Variants in LOC114841035 observed in about 807,000 individuals in gnomAD.
the LOC114841035 span, chr11:64,242,432 C>T: frequency 1.3e-6 from 2 of 1,552,762 alleles, no homozygotes; most frequent in African/African-American, 1.4e-5. Flanking sequence ...TGTCCATCTG[C>T]CTGAGCGCCG....
At chr11:64,242,391 A>C in the LOC114841035 span, 1 of 1,530,664 alleles carries the variant, frequency 6.5e-7, no homozygotes, top group Non-Finnish European at 8.8e-7. Flanking sequence ...CAGAGACATG[A>C]GGCTGAGCTG....
At chr11:64,242,693 G>A in the LOC114841035 span, 2 of 995,298 alleles carry the variant, frequency 2.0e-6, no homozygotes, top group South Asian at 1.9e-5. Flanking sequence ...CAGTTTCCAT[G>A]GTTCTGCCTT....
chr11:64,242,494 A>G, the LOC114841035 span: 3 of 1,555,516 alleles, frequency 1.9e-6, no homozygotes, highest in East Asian at 7.4e-5. Flanking sequence ...ATCGGGGTCA[A>G]GAAGCGGGTG....
At chr11:64,243,252 C>CT in the LOC114841035 span, 2 of 1,613,272 alleles carry the variant, frequency 1.2e-6, no homozygotes, top group South Asian at 1.1e-5. Context: ...AGAACCAGCC[C>CT]TTTGTCTTCT....
chr11:64,242,402 G>T, the LOC114841035 span: 1 of 1,544,428 alleles, frequency 6.5e-7, no homozygotes, highest in Admixed American at 2.2e-5. Context: ...GGCTGAGCTG[G>T]TTCCGGGTCC....
chr11:64,243,058 A>G, the LOC114841035 span: 1 of 695,852 alleles, frequency 1.4e-6, no homozygotes, highest in East Asian at 2.7e-5. Context: ...GGCAACAGAG[A>G]CTCCATCTCA....
chr11:64,243,469 G>T, the LOC114841035 span: 1 of 1,614,012 alleles, frequency 6.2e-7, no homozygotes, highest in Non-Finnish European at 8.5e-7. Flanking sequence ...AGGGGGAAAA[G>T]CGCAAGCTGG....
At chr11:64,242,289 C>G in the LOC114841035 span, 1 of 1,223,708 alleles carries the variant, frequency 8.2e-7, no homozygotes, top group Non-Finnish European at 1.1e-6. Flanking sequence ...AAGGAAGATA[C>G]AGTGGCGGTG....
chr11:64,242,245 G>T, the LOC114841035 span: 1 of 816,722 alleles, frequency 1.2e-6, no homozygotes. Context: ...GGGGGAGAGG[G>T]CGGTGACCCG....
chr11:64,241,670 C>T, the LOC114841035 span: 10 of 152,178 alleles, frequency 6.6e-5, no homozygotes, highest in African/African-American at 1.9e-4. Flanking sequence ...GAGTAATGGC[C>T]CCGGGCGTCC....
At chr11:64,243,905 C>G in the LOC114841035 span, 1 of 1,614,096 alleles carries the variant, frequency 6.2e-7, no homozygotes, top group South Asian at 1.1e-5. Context: ...CCTCCCATCA[C>G]CTGCAGCCAG....
the LOC114841035 span, chr11:64,241,288 G>C: frequency 1.6e-4 from 24 of 152,490 alleles, no homozygotes; most frequent in African/African-American, 5.3e-4. Context: ...AGATGCCGCA[G>C]GGGGAGGGTT....
chr11:64,242,350 C>A, the LOC114841035 span: 3 of 1,473,456 alleles, frequency 2.0e-6, no homozygotes, highest in Non-Finnish European at 2.7e-6. Context: ...CCCTCCCCCA[C>A]GTTCAGTCGG....
the LOC114841035 span, chr11:64,243,339 G>GT: frequency 1.6e-5 from 25 of 1,598,568 alleles, no homozygotes; most frequent in Non-Finnish European, 2.1e-5. Context: ...GGGCTTGGGA[G>GT]TGGGGGCGTG....
the LOC114841035 span, chr11:64,243,123 G>A: frequency 1.5e-6 from 2 of 1,368,940 alleles, no homozygotes; most frequent in Non-Finnish European, 2.1e-6. Context: ...GGGGCAGCTT[G>A]ATGGGGAAAG....
the LOC114841035 span, chr11:64,242,063 A>G: frequency 3.8e-6 from 1 of 262,600 alleles, no homozygotes. Context: ...GCGTAAAGGG[A>G]CAGGCGGGAA....
chr11:64,243,677 G>C, the LOC114841035 span: 3 of 1,163,304 alleles, frequency 2.6e-6, no homozygotes, highest in Non-Finnish European at 3.8e-6. Flanking sequence ...CTCAGCTGTA[G>C]TGGCCCCACT....
At chr11:64,242,677 C>G in the LOC114841035 span, 1 of 1,109,960 alleles carries the variant, frequency 9.0e-7, no homozygotes, top group African/African-American at 1.6e-5. Context: ...CCTCTCGCCT[C>G]TAAGCCAGTT....
the LOC114841035 span, chr11:64,243,320 T>C: frequency 1.6e-5 from 26 of 1,599,456 alleles, no homozygotes; most frequent in Non-Finnish European, 2.1e-5. Context: ...GGGTGAGTCA[T>C]GGGGGAATGG....
Sources: gnomAD v4.1 joint callset for allele counts on GRCh38, gnomAD v4.1.1 for gene constraint, MANE v1.5 for transcripts.